ESRRB: variants seen among roughly 807,000 people sequenced by gnomAD.
The protein encoded by ESRRB is steroid hormone receptor ERR2.
In ESRRB, 16 loss-of-function variants were observed where a neutral mutation model predicts 46.0. The observed-to-expected ratio is 0.35, with a 90% CI of 0.24 to 0.53. The LOEUF (loss-of-function observed/expected upper bound fraction) is 0.53, where lower values mean the gene tolerates loss of function less well. Among genes scored for constraint, ESRRB ranks in the 20% least tolerant of loss-of-function variants. ESRRB has a pLI of 0.93. For missense variants in ESRRB, 488 were observed against 607.4 expected (o/e 0.80, Z 2.07); for synonymous variants, 246 against 259.6 (o/e 0.95, Z 0.50).
rs76226607 is a variant in ESRRB at position 76,486,569 on chromosome 14, T to C, written c.850+3810T>C. ...CCACAAATTACGTGCTTTTTTTTTT[T>C]CCCCCTTCAATTCTAGGAGCTTGTG... is the stretch of plus-strand genomic sequence containing the variant. On this transcript the variant is annotated intron_variant, in intron 5 of 6. Transcript: ENST00000644823. Among the ~76,000 whole-genome samples, 678 of 148,748 alleles carry C rather than the reference T, an allele frequency of 4.6e-3. 10 individuals carry two copies. Among genetic ancestry groups the C allele is most frequent in the South Asian group, 0.02 (93 of 4,664 alleles).
upstream of ESRRB, chr14:76,371,703 A>C (rs187405630): frequency 7.2e-5 from 11 of 152,344 alleles, no homozygotes; most frequent in African/African-American, 2.4e-4. Context: ...AACAGTTAGC[A>C]TTCCTACACT....
chr14:76,368,233 A>G (rs1442481682), upstream of ESRRB, among the ~76,000 whole-genome samples: 7 of 148,170 alleles, frequency 4.7e-5, no homozygotes, highest in African/African-American at 1.3e-4. Flanking sequence ...TCAGCCTCCC[A>G]AAGTGCTGGG....
intron 1 of ESRRB, among the ~76,000 whole-genome samples, chr14:76,318,572 T>C (rs1007303643): frequency 6.6e-6 from 1 of 152,278 alleles, no homozygotes; most frequent in African/African-American, 2.4e-5. Flanking sequence ...CTTGGGCAAC[T>C]GTCCCAGCCT....
intron 1 of ESRRB, among the ~76,000 whole-genome samples, chr14:76,356,567 C>T (rs746058930): frequency 6.6e-6 from 1 of 152,184 alleles, no homozygotes; most frequent in Non-Finnish European, 1.5e-5. Flanking sequence ...GCCCTTCTGG[C>T]CCATGGCCAT....
At chr14:76,424,341 A>C (rs1039814671) in intron 1 of ESRRB, among the ~76,000 whole-genome samples, 3 of 152,058 alleles carry the variant, frequency 2.0e-5, no homozygotes. Context: ...AGACTGAAAA[A>C]TTGAGTCAGG....
At chr14:76,330,388 C>A (rs999566763) in intron 1 of ESRRB, among the ~76,000 whole-genome samples, 1 of 152,234 alleles carries the variant, frequency 6.6e-6, no homozygotes. Flanking sequence ...AGCATCCCTG[C>A]ACTGTTGTTG....
At chr14:76,402,628 G>C (rs73316379) in intron 1 of ESRRB, among the ~76,000 whole-genome samples, 1 of 152,146 alleles carries the variant, frequency 6.6e-6, no homozygotes, top group Non-Finnish European at 1.5e-5. Context: ...AGGCTTCCAG[G>C]CACTGTCATG....
chr14:76,461,354 C>T (rs934309363), intron 2 of ESRRB, among the ~76,000 whole-genome samples: 3 of 152,206 alleles, frequency 2.0e-5, no homozygotes, highest in Non-Finnish European at 2.9e-5. Context: ...CTGCATTCTA[C>T]CTGCCTGTCT....
intron 1 of ESRRB, among the ~76,000 whole-genome samples, chr14:76,317,694 GAGGCGGGTACC>G (rs1375739056): frequency 6.6e-6 from 1 of 152,234 alleles, no homozygotes; most frequent in Non-Finnish European, 1.5e-5. Context: ...GCTGTGGAAG[GAGGCGGGTACC>G]AGGCGGTCCA....
chr14:76,469,944 C>CTT (rs1178018542), intron 3 of ESRRB, among the ~76,000 whole-genome samples: 869 of 73,032 alleles, frequency 0.012, 11 homozygotes, highest in African/African-American at 0.025. Flanking sequence ...TTTTTTTTTT[C>CTT]TTTTTTTTTT....
rs1595045514 is a variant in ESRRB at position 76,328,405 on chromosome 14, A to G, written c.2+17489A>G. 2.0e-5 allele frequency among the ~76,000 whole-genome samples: 3 copies of G among 152,214 alleles called. No individual in the cohort carries two copies. The East Asian group carries it at 5.8e-4, about 29-fold the overall frequency. ...TAGTCCCCCTGAGTCGGGGACCAGG[A>G]CCATCAGCTTCTGGGGGACTCTATC... On this transcript the variant is annotated intron_variant, in intron 1 of 6. Transcript: ENST00000512784.
At chr14:76,454,918 GGGA>G (rs2139971573) in intron 2 of ESRRB, among the ~76,000 whole-genome samples, 1 of 147,734 alleles carries the variant, frequency 6.8e-6, no homozygotes, top group Admixed American at 6.8e-5. Flanking sequence ...CCAGCAATTT[GGGA>G]GGCCAAGGCA....
intron 2 of ESRRB, among the ~76,000 whole-genome samples, chr14:76,445,684 C>CT (rs940535821): frequency 0.12 from 15,502 of 130,618 alleles, 1,867 homozygotes; most frequent in African/African-American, 0.3. Context: ...CTCCACCAAT[C>CT]TTTTTTTTTT....
chr14:76,332,759 A>T (rs1424167918), intron 1 of ESRRB, among the ~76,000 whole-genome samples: 2 of 7,066 alleles, frequency 2.8e-4, no homozygotes, highest in East Asian at 0.045. Flanking sequence ...TATTATATAT[A>T]AATATATAAT....
At chr14:76,488,862 T>C (rs1361858684) in intron 5 of ESRRB, among the ~76,000 whole-genome samples, 1 of 152,178 alleles carries the variant, frequency 6.6e-6, no homozygotes, top group East Asian at 1.9e-4. Flanking sequence ...CTGTAGCTCT[T>C]CTTATATTGC....
At chr14:76,366,490 G>C (rs1329731720), upstream of ESRRB, among the ~76,000 whole-genome samples, 1 of 152,138 alleles carries the variant, frequency 6.6e-6, no homozygotes, top group Non-Finnish European at 1.5e-5. Flanking sequence ...ACCTGCCTCT[G>C]GAAAATTTGC....
chr14:76,342,625 C>T (rs1472706299), intron 1 of ESRRB, among the ~76,000 whole-genome samples: 1 of 152,172 alleles, frequency 6.6e-6, no homozygotes, highest in African/African-American at 2.4e-5. Context: ...GCTATGGAGC[C>T]AAAGACTTCT....
At chr14:76,362,914 T>C (rs998374669) in intron 1 of ESRRB, among the ~76,000 whole-genome samples, 2 of 152,218 alleles carry the variant, frequency 1.3e-5, no homozygotes, top group Non-Finnish European at 2.9e-5. Flanking sequence ...TTGAAAGCCA[T>C]TTCTTTAAGA....
chr14:76,465,052 C>T (rs1024817032), intron 3 of ESRRB, among the ~76,000 whole-genome samples: 2 of 152,162 alleles, frequency 1.3e-5, no homozygotes, highest in Non-Finnish European at 2.9e-5. Context: ...TTGGTCACAG[C>T]GTGCAGCCTC....
Sources: allele counts gnomAD v4.1 joint callset (sites outside exome capture counted in the v4.1 genomes callset), GRCh38; gene constraint gnomAD v4.1.1; transcripts MANE v1.5; gene names NCBI Gene and HGNC (gene_info 2026-07-23, HGNC 2026-07-21).